Variants in KPNA7 observed in about 807,000 individuals in gnomAD.
KPNA7 encodes importin subunit alpha-8.
In KPNA7, 54 loss-of-function variants were observed where a neutral mutation model predicts 53.7. The observed-to-expected ratio is 1.01, with a 90% confidence interval of 0.81 to 1.26. The LOEUF is 1.26. Ranked by LOEUF, KPNA7 falls within the 50% of genes most tolerant of loss-of-function variation. The pLI is 0.00. For synonymous variants in KPNA7, 276 were observed against 259.3 expected (o/e 1.06, Z -0.62); for missense variants, 640 against 644.5 (o/e 0.99, Z 0.07).
chr7:99,160,326 C>T, the KPNA7 span, among the ~76,000 whole-genome samples: 1 of 151,698 alleles, frequency 6.6e-6, no homozygotes, highest in Non-Finnish European at 1.5e-5. Context: ...CACCCGGCCT[C>T]TCCTCTGTCT....
chr7:99,176,539 G>A (rs1798915016), intron 10 of KPNA7, among the ~76,000 whole-genome samples: 1 of 151,948 alleles, frequency 6.6e-6, no homozygotes, highest in African/African-American at 2.4e-5. Flanking sequence ...AATTCAAAAT[G>A]GAATTACCAC....
chr7:99,203,048 A>G, intron 3 of KPNA7, 58 bp downstream of exon 3: 1 of 1,529,110 alleles, frequency 6.5e-7, no homozygotes, highest in Non-Finnish European at 8.9e-7. Flanking sequence ...TTATCCAGCC[A>G]GAGACACTTG....
Position 99,215,369 on chromosome 7 carries a change from C to CCAAA in KPNA7, c.-23-7881_-23-7880insTTTG, listed in dbSNP as rs1554473227. Among the ~76,000 whole-genome samples the CCAAA allele has an allele frequency of 5.8e-5, 3 of 52,054 alleles. 1 individual carries two copies. The highest frequency in any genetic ancestry group is 8.5e-4 in the East Asian group (1 of 1,174). 34.1% of individuals were successfully genotyped at this position (52,054 alleles called of 152,430 possible). On this transcript the variant is annotated intron_variant, in intron 1 of 10. Coordinates refer to the KPNA7 transcript ENST00000681060. ...CCTGGGCAACAGAGCGAGACTGTCT[C>CCAAA]AAAAAAAAAAAAAAAAAAAAAAAAA...
the KPNA7 span, among the ~76,000 whole-genome samples, chr7:99,160,017 G>GTT: frequency 0.051 from 3,396 of 67,246 alleles, 273 homozygotes; most frequent in East Asian, 0.12. Flanking sequence ...TGTTGTTTTT[G>GTT]TTTTTTTTTT....
chr7:99,195,348 G>C lies in KPNA7; in HGVS notation c.285-10C>G, dbSNP rs1376471909. On this transcript the variant is annotated splice_polypyrimidine_tract_variant and intron_variant, in intron 4 of 10. Transcript: ENST00000327442. ...CTGGGATAGCATTTTCCTATGCAAT[G>C]AAAGAGAGGGCAGGGGAGGGGGAGG... 6.5e-7 allele frequency: 1 copy of C among 1,549,630 alleles called. No homozygotes were observed. Among genetic ancestry groups the C allele is most frequent in the South Asian group, 1.2e-5 (1 of 84,026 alleles).
chr7:99,153,728 T>A, the KPNA7 span, among the ~76,000 whole-genome samples: 930 of 151,484 alleles, frequency 6.1e-3, 10 homozygotes, highest in African/African-American at 0.021. Context: ...CAGCACTTTA[T>A]GGGGCCAAGG....
chr7:99,174,752 C>T (rs1563062728), intron 10 of KPNA7, among the ~76,000 whole-genome samples: 1 of 152,066 alleles, frequency 6.6e-6, no homozygotes. Flanking sequence ...GAAATCTTTA[C>T]CCTGGAGTTC....
At position 99,181,941 on chromosome 7, in the gene KPNA7, G is replaced by A; in HGVS notation, c.1259C>T (p.Thr420Ile). ...GAGAACAATTTTAACATCTGGGGCA[G>A]TGAGCAGATTCACCAGTGGCTCCAG... ...GVLEPLVNLL[T>I]APDVKIVLII... The change falls in exon 9 of 11, where the codon ACT becomes ATT. Residue 420 changes from threonine (T) to isoleucine (I), a missense_variant. Coordinates refer to ENST00000327442, the MANE Select transcript of KPNA7 (RefSeq NM_001145715.3). The A allele has an allele frequency of 3.2e-6, 5 of 1,551,492 alleles. No individual in the cohort carries two copies. The highest frequency in any genetic ancestry group is 1.2e-5 in the South Asian group (1 of 84,026).
At chr7:99,209,682 C>CAAAAAAAAAAAA (rs60377276), upstream of KPNA7, among the ~76,000 whole-genome samples, 25 of 73,532 alleles carry the variant, frequency 3.4e-4, no homozygotes, top group African/African-American at 9.9e-4. Context: ...GACTCCAACT[C>CAAAAAAAAAAAA]AAAAAAAAAA....
Position 99,207,613 on chromosome 7 carries a change from CTTTTTTTTTTTTTTTTTTTTT to C in KPNA7, c.-23-145_-23-125del, listed in dbSNP as rs754881370. 751 of 122,998 alleles carry C rather than the reference CTTTTTTTTTTTTTTTTTTTTT, an allele frequency of 6.1e-3. 4 individuals carry two copies. Among genetic ancestry groups the C allele is most frequent in the Admixed American group, 8.7e-3 (69 of 7,926 alleles). 7.6% of individuals were successfully genotyped at this position (122,998 alleles called of 1,614,324 possible). Reference sequence around the variant, plus strand: ...GCAAAGGGCAGACCCAGGAAGCTAGCTTTTTTTTTTTTTTTTTTTTTTTTTTTTTTTTTTTTTTTTGAGACA... The same window carrying C: ...GCAAAGGGCAGACCCAGGAAGCTAGCTTTTTTTTTTTTTTTTTTTGAGACA... On this transcript the variant is annotated intron_variant, in intron 1 of 10. Coordinates refer to ENST00000327442, the MANE Select transcript of KPNA7 (RefSeq NM_001145715.3).
the KPNA7 span, among the ~76,000 whole-genome samples, chr7:99,151,157 C>G: frequency 2.6e-5 from 4 of 152,134 alleles, no homozygotes; most frequent in African/African-American, 9.7e-5. Flanking sequence ...AGAGAGATCT[C>G]CAATCCAGGT....
At position 99,182,100 on chromosome 7, in the gene KPNA7, C is replaced by T. The variant is rs1355905460; in HGVS notation, c.1135-35G>A. On this transcript the variant is annotated intron_variant, in intron 8 of 10. Coordinates refer to ENST00000327442, the MANE Select transcript of KPNA7 (RefSeq NM_001145715.3). Reference sequence around the variant, plus strand: ...AAGAATGTTTCCATTCTCTACAGATCCTCAAGAACCTAAATAGAGGACACC... The same window carrying T: ...AAGAATGTTTCCATTCTCTACAGATTCTCAAGAACCTAAATAGAGGACACC... The T allele has an allele frequency of 3.4e-6, 5 of 1,469,346 alleles. No individual in the cohort carries two copies. The East Asian group carries it at 1.3e-4, about 37-fold the overall frequency. 91.0% of individuals were successfully genotyped at this position (1,469,346 alleles called of 1,614,324 possible).
At chr7:99,187,798 T>TAAAA (rs1789685105) in intron 7 of KPNA7, among the ~76,000 whole-genome samples, 1 of 2,882 alleles carries the variant, frequency 3.5e-4, no homozygotes, top group African/African-American at 5.4e-4. Flanking sequence ...GCCTTTTTTT[T>TAAAA]TAAAAAAAAA....
At chr7:99,206,527 G>A (rs1790823534) in intron 2 of KPNA7, among the ~76,000 whole-genome samples, 1 of 152,112 alleles carries the variant, frequency 6.6e-6, no homozygotes, top group Admixed American at 6.6e-5. Flanking sequence ...GGAGTGCAGT[G>A]GCACAATCAC....
intron 9 of KPNA7, among the ~76,000 whole-genome samples, chr7:99,179,763 A>G (rs775191362): frequency 6.6e-6 from 1 of 151,206 alleles, no homozygotes; most frequent in African/African-American, 2.4e-5. Flanking sequence ...TTTTTTGTAG[A>G]GATGGGGTTT....
the KPNA7 span, among the ~76,000 whole-genome samples, chr7:99,148,460 T>C: frequency 1.8e-4 from 27 of 152,368 alleles, no homozygotes; most frequent in Non-Finnish European, 2.9e-4. Context: ...ATGGAAACTC[T>C]GGACTCCTTC....
intron 9 of KPNA7, among the ~76,000 whole-genome samples, chr7:99,180,188 T>C (rs1047372151): frequency 6.6e-6 from 1 of 152,162 alleles, no homozygotes; most frequent in African/African-American, 2.4e-5. Context: ...TTCCCGGTCA[T>C]CGTGTAAGCC....
chr7:99,208,328 T>A (rs1790925471), upstream of KPNA7, among the ~76,000 whole-genome samples: 1 of 152,168 alleles, frequency 6.6e-6, no homozygotes. Context: ...CAATCTTGGC[T>A]CACTGCAAGC....
the KPNA7 span, among the ~76,000 whole-genome samples, chr7:99,160,272 C>T: frequency 1.2e-4 from 18 of 152,164 alleles, no homozygotes; most frequent in South Asian, 4.1e-4. Context: ...GTGATCCGCC[C>T]GCCTCGGCCT....
Sources: gnomAD v4.1 joint callset for allele counts (sites outside exome capture counted in the v4.1 genomes callset) on GRCh38, gnomAD v4.1.1 for gene constraint, MANE v1.5 for transcripts, NCBI Gene and HGNC (gene_info 2026-07-23, HGNC 2026-07-21) for gene names.